ANKRD30B: variants seen among roughly 807,000 people sequenced by gnomAD.
ANKRD30B encodes the protein ankyrin repeat domain-containing protein 30B.
A neutral mutation model predicts 202.2 loss-of-function variants in ANKRD30B; 144 were observed. The ratio of observed to expected loss-of-function variants is 0.71; its 90% CI spans 0.62 to 0.82. The LOEUF is 0.82. Among genes scored for constraint, ANKRD30B ranks in the 40% least tolerant of loss-of-function variants. ANKRD30B has a pLI of 0.00. For synonymous variants in ANKRD30B, 508 were observed against 561.3 expected (o/e 0.91, Z 1.34); for missense variants, 1,487 against 1,669.1 (o/e 0.89, Z 1.90).
At chr18:14,835,405 T>A (rs1971128753) in intron 34 of ANKRD30B, among the ~76,000 whole-genome samples, 1 of 151,536 alleles carries the variant, frequency 6.6e-6, no homozygotes, top group African/African-American at 2.4e-5. Context: ...GGAAGAATAC[T>A]TTTTACACTT....
chr18:14,829,751 G>T (rs1797459292), intron 33 of ANKRD30B, among the ~76,000 whole-genome samples: 1 of 152,130 alleles, frequency 6.6e-6, no homozygotes, highest in African/African-American at 2.4e-5. Context: ...TCTATTGAAA[G>T]ATTTAGAAAA....
At chr18:14,883,178 GT>G in the ANKRD30B span, among the ~76,000 whole-genome samples, 1 of 151,980 alleles carries the variant, frequency 6.6e-6, no homozygotes, top group South Asian at 2.1e-4. Flanking sequence ...AGGTTTTTTG[GT>G]TTTTGTTGTT....
At chr18:14,777,897 C>T in intron 9 of ANKRD30B, 88 bp from the exon 10 acceptor site, 2 of 878,480 alleles carry the variant, frequency 2.3e-6, no homozygotes, top group Non-Finnish European at 3.6e-6. Flanking sequence ...AGGCCGAGAT[C>T]ACACCACTGA....
At chr18:14,786,591 A>T (rs539854354) in intron 14 of ANKRD30B, among the ~76,000 whole-genome samples, 1 of 152,348 alleles carries the variant, frequency 6.6e-6, no homozygotes, top group African/African-American at 2.4e-5. Flanking sequence ...ATTCCTAAAA[A>T]ATTTTATTCA....
chr18:14,901,521 C>T, the ANKRD30B span, among the ~76,000 whole-genome samples: 1 of 149,882 alleles, frequency 6.7e-6, no homozygotes, highest in Non-Finnish European at 1.5e-5. Flanking sequence ...ATTGCTGATT[C>T]TTTTTATTTT....
the ANKRD30B span, chr18:14,903,806 C>G: frequency 6.6e-6 from 1 of 152,216 alleles, no homozygotes; most frequent in Non-Finnish European, 1.5e-5. Context: ...TAAGGTACAC[C>G]TGGAAAATCA....
rs757882421 is a variant in ANKRD30B, at chr18:14,782,608, G to T, written c.1564G>T (p.Val522Leu). Residue 522 changes from valine (V) to leucine (L), a missense_variant, in exon 12 of 44, where the codon GTA becomes TTA. By Grantham distance (32) the Val-to-Leu change is conservative. Around this residue, in one of 6 missense-constraint regions of ANKRD30B, gnomAD observed 889 missense variants for 841.4 expected, o/e 1.06. Transcript: ENST00000690538. ...GAAAGTAATGGAGATAAATAGAGAA[G>T]TAGAAGGTAAGAACAACTTTTTATT... is the stretch of plus-strand genomic sequence containing the variant. Reference protein sequence around the residue: ...YQKVMEINREVEELPEKPSAF... With the variant: ...YQKVMEINRELEELPEKPSAF... 3.8e-6 allele frequency: 6 copies of T among 1,566,186 alleles called. No individual in the cohort carries two copies. The highest frequency in any genetic ancestry group is 2.4e-5 in the South Asian group (2 of 82,056).
the ANKRD30B span, among the ~76,000 whole-genome samples, chr18:14,898,574 C>T: frequency 6.6e-6 from 1 of 152,106 alleles, no homozygotes; most frequent in South Asian, 2.1e-4. Flanking sequence ...GTATTTTATT[C>T]CTTCAAATAG....
chr18:14,886,583 C>G, the ANKRD30B span, among the ~76,000 whole-genome samples: 1 of 151,948 alleles, frequency 6.6e-6, no homozygotes, highest in Non-Finnish European at 1.5e-5. Flanking sequence ...CCTAACATAG[C>G]TTGTATTTTA....
intron 24 of ANKRD30B, among the ~76,000 whole-genome samples, chr18:14,805,849 A>G (rs1296183460): frequency 2.7e-5 from 4 of 149,802 alleles, no homozygotes; most frequent in Non-Finnish European, 5.9e-5. Context: ...AATCATATAT[A>G]AATGGGTGTA....
the ANKRD30B span, among the ~76,000 whole-genome samples, chr18:14,916,219 G>A: frequency 2.6e-5 from 4 of 152,194 alleles, no homozygotes; most frequent in African/African-American, 9.7e-5. Flanking sequence ...CAACAGTTCT[G>A]GGCTGCAGGT....
chr18:14,810,025 T>C lies in ANKRD30B; in HGVS notation c.2415+11T>C, dbSNP rs1969818303. On this transcript the variant is annotated intron_variant, in intron 27 of 43. Transcript: ENST00000690538. ...GATGGTCTTCTGAAGGTAATAACTT[T>C]TATATTTTTATCTTGAATATTACCT... The C allele has an allele frequency of 4.2e-6, 6 of 1,441,946 alleles. No homozygotes were observed. The highest frequency in any genetic ancestry group is 5.8e-6 in the Non-Finnish European group (6 of 1,034,412). 89.3% of individuals were successfully genotyped at this position (1,441,946 alleles called of 1,614,324 possible).
At chr18:14,872,892 T>G in the ANKRD30B span, among the ~76,000 whole-genome samples, 156 of 152,242 alleles carry the variant, frequency 1.0e-3, no homozygotes, top group African/African-American at 3.6e-3. Flanking sequence ...CTCATGGATA[T>G]CAGGCACCAC....
At chr18:14,886,513 T>TTTGCCTAATTC in the ANKRD30B span, among the ~76,000 whole-genome samples, 10 of 152,074 alleles carry the variant, frequency 6.6e-5, no homozygotes, top group African/African-American at 2.4e-4. Context: ...AAATATTGGT[T>TTTGCCTAATTC]TTGCCTAATT....
At chr18:14,786,890 T>C (rs1315512831) in intron 14 of ANKRD30B, 149 bp from the exon 15 acceptor site, 3 of 645,904 alleles carry the variant, frequency 4.6e-6, no homozygotes, top group Non-Finnish European at 7.4e-6. Flanking sequence ...GGAGTGACTA[T>C]AGAAGTAGTC....
At chr18:14,756,066 T>C (rs1914307627) in intron 4 of ANKRD30B, among the ~76,000 whole-genome samples, 2 of 152,214 alleles carry the variant, frequency 1.3e-5, no homozygotes, top group Non-Finnish European at 2.9e-5. Context: ...CCAGCACCTG[T>C]TGTTTCCTGA....
At chr18:14,902,624 T>G in the ANKRD30B span, among the ~76,000 whole-genome samples, 5 of 152,264 alleles carry the variant, frequency 3.3e-5, no homozygotes, top group South Asian at 1.0e-3. Context: ...TCCTTTCACC[T>G]GTTAAACGTC....
At chr18:14,911,735 A>G in the ANKRD30B span, among the ~76,000 whole-genome samples, 2 of 152,182 alleles carry the variant, frequency 1.3e-5, no homozygotes, top group Admixed American at 1.3e-4. Context: ...CTTTAACAAT[A>G]TTAATTCTTC....
the ANKRD30B span, among the ~76,000 whole-genome samples, chr18:14,922,091 C>T: frequency 6.6e-6 from 1 of 152,138 alleles, no homozygotes; most frequent in African/African-American, 2.4e-5. Flanking sequence ...TCTTAAATTG[C>T]CAACACCATC....
Sources: allele counts gnomAD v4.1 joint callset (sites outside exome capture counted in the v4.1 genomes callset), GRCh38; gene constraint gnomAD v4.1.1; regional missense constraint gnomAD v4.1.1; transcripts MANE v1.5; gene names NCBI Gene and HGNC (gene_info 2026-07-23, HGNC 2026-07-21).